The following SHROOM3 variants were observed in gnomAD, a reference collection of about 807,000 sequenced individuals.
SHROOM3 encodes protein Shroom3.
In SHROOM3, 47 loss-of-function variants were observed where a neutral mutation model predicts 138.6. The ratio of observed to expected loss-of-function variants is 0.34; its 90% confidence interval spans 0.27 to 0.43. SHROOM3 has a LOEUF of 0.43. Among genes scored for constraint, SHROOM3 ranks in the 20% least tolerant of loss-of-function variants. The pLI is 1.00. For synonymous variants in SHROOM3, 1,062 were observed against 1,063.3 expected (o/e 1.00, Z 0.02); for missense variants, 2,491 against 2,596.5 (o/e 0.96, Z 0.88).
chr4:76,521,823 A>G (rs1266532863), intron 1 of SHROOM3, among the ~76,000 whole-genome samples: 1 of 152,204 alleles, frequency 6.6e-6, no homozygotes, highest in Non-Finnish European at 1.5e-5. Flanking sequence ...GGGAATACAA[A>G]AAAACATAAT....
intron 1 of SHROOM3, among the ~76,000 whole-genome samples, chr4:76,526,370 G>GAA: frequency 6.6e-6 from 1 of 151,934 alleles, no homozygotes; most frequent in South Asian, 2.1e-4. Flanking sequence ...CATCTCAAAA[G>GAA]AAAAAAATAA....
In SHROOM3 at chr4:76,740,416, C is replaced by G. The variant is rs750545101; in HGVS notation, c.2243C>G (p.Pro748Arg). The stretch of plus-strand genomic sequence containing the variant: ...CCAAGTCCCGAAGAGCCGCCTGCCC[C>G]CTCGCACCCGCACACATCCAGTCTG... ...TDPSPEEPPA[P>R]SHPHTSSLGR... Residue 748 changes from proline to arginine, a missense_variant, in exon 5 of 11, where the codon CCC becomes CGC. Physicochemically the swap from Pro to Arg is moderately radical, Grantham distance 103. Around this residue, in one of 4 missense-constraint regions of SHROOM3, gnomAD observed 1,733 missense variants for 1,661.6 expected, o/e 1.04. Transcript: ENST00000296043. This position sits in a 1 kb window ranked among gnomAD's most constrained non-coding sequence, Gnocchi z 4.0. 6 of 1,613,076 alleles carry G rather than the reference C, an allele frequency of 3.7e-6. No individual in the cohort carries two copies. The East Asian group carries it at 1.3e-4, about 36-fold the overall frequency.
intron 1 of SHROOM3, among the ~76,000 whole-genome samples, chr4:76,450,820 T>C (rs534251371): frequency 6.6e-6 from 1 of 152,212 alleles, no homozygotes; most frequent in Non-Finnish European, 1.5e-5. Flanking sequence ...TCTGTAAATA[T>C]AGTAAAAATC....
chr4:76,719,241 C>T (rs1183412350), intron 3 of SHROOM3, among the ~76,000 whole-genome samples: 1 of 152,228 alleles, frequency 6.6e-6, no homozygotes, highest in Admixed American at 6.5e-5. Flanking sequence ...GAAAATAACA[C>T]ACCACCATGG....
chr4:76,662,771 A>G (rs1316232623), intron 2 of SHROOM3, among the ~76,000 whole-genome samples: 3 of 152,186 alleles, frequency 2.0e-5, no homozygotes, highest in Non-Finnish European at 4.4e-5. Context: ...GGTTCGAGCT[A>G]CTTGAGAGGC....
chr4:76,720,588 G>T (rs978124963), intron 3 of SHROOM3, among the ~76,000 whole-genome samples: 2 of 150,546 alleles, frequency 1.3e-5, no homozygotes, highest in Admixed American at 1.3e-4. Flanking sequence ...TACTAAAGAA[G>T]ATATAATCTC....
intron 1 of SHROOM3, among the ~76,000 whole-genome samples, chr4:76,499,445 G>GTATAAC (rs60117481): frequency 0.59 from 89,814 of 151,440 alleles, 27,217 homozygotes; most frequent in Non-Finnish European, 0.65. Context: ...CAAATACTTA[G>GTATAAC]AATAGGATTT....
Position 76,451,247 on chromosome 4 carries a change from GC to G in SHROOM3, c.168+15029del, listed in dbSNP as rs1327415767. On this transcript the variant is annotated intron_variant, in intron 1 of 10. Transcript: ENST00000296043. Reference sequence around the variant, plus strand: ...TTACAGATGTGAGCCACTGCACTCAGCCAGTATTGATTTAATTAACTGAAAT... The same window carrying G: ...TTACAGATGTGAGCCACTGCACTCAGCAGTATTGATTTAATTAACTGAAAT... 3.9e-5 allele frequency among the ~76,000 whole-genome samples: 6 copies of G among 152,258 alleles called. No individual in the cohort carries two copies. The South Asian group carries it at 1.2e-3, about 32-fold the overall frequency.
At chr4:76,477,961 C>T (rs903908576) in intron 1 of SHROOM3, among the ~76,000 whole-genome samples, 2 of 152,186 alleles carry the variant, frequency 1.3e-5, no homozygotes, top group African/African-American at 4.8e-5. Context: ...TTATGCTTTT[C>T]CCATGGTCTT....
chr4:76,568,929 T>A (rs1164852772), intron 2 of SHROOM3, among the ~76,000 whole-genome samples: 1 of 152,116 alleles, frequency 6.6e-6, no homozygotes, highest in East Asian at 1.9e-4. Context: ...ATCTGGGAAG[T>A]AAAGACAACC....
At chr4:76,453,504 T>C (rs1052114573) in intron 1 of SHROOM3, among the ~76,000 whole-genome samples, 1 of 152,114 alleles carries the variant, frequency 6.6e-6, no homozygotes, top group African/African-American at 2.4e-5. Context: ...GGTCTCGAAC[T>C]CCTGGCTTTA....
intron 2 of SHROOM3, among the ~76,000 whole-genome samples, chr4:76,704,770 G>A (rs991916708): frequency 1.3e-5 from 2 of 152,124 alleles, no homozygotes; most frequent in African/African-American, 2.4e-5. Context: ...AGGCTGCTGG[G>A]TAGACACTGG....
At chr4:76,529,727 C>T (rs977334716) in intron 1 of SHROOM3, among the ~76,000 whole-genome samples, 7 of 113,352 alleles carry the variant, frequency 6.2e-5, no homozygotes, top group Non-Finnish European at 1.3e-4. Flanking sequence ...CTGGACTTTC[C>T]AAGAGCTACC....
At chr4:76,611,671 G>A (rs73828194) in intron 2 of SHROOM3, among the ~76,000 whole-genome samples, 7,297 of 152,234 alleles carry the variant, frequency 0.048, 577 homozygotes, top group African/African-American at 0.16. Context: ...GTGTCCTTGG[G>A]TAATGAAGCT....
chr4:76,759,988 A>C (rs1443473641), intron 9 of SHROOM3, among the ~76,000 whole-genome samples: 1 of 152,232 alleles, frequency 6.6e-6, no homozygotes, highest in East Asian at 1.9e-4. Context: ...CTTGAACCCA[A>C]GTCCCTAGCC....
At chr4:76,769,255 TAC>T (rs34721202) in intron 9 of SHROOM3, among the ~76,000 whole-genome samples, 8,874 of 151,176 alleles carry the variant, frequency 0.059, 290 homozygotes, top group Non-Finnish European at 0.071. Flanking sequence ...TGTGTGTATA[TAC>T]ACACACACCA....
rs1560543988 is a variant in SHROOM3, at chr4:76,554,428, T to G, written c.169-1181T>G. 2.0e-5 allele frequency among the ~76,000 whole-genome samples: 3 copies of G among 149,160 alleles called. No individual in the cohort carries two copies. In the South Asian group the frequency reaches 6.3e-4, roughly 32 times the overall value. ...GTTGTTTTTTGTTTGTGTTTTTTTT[T>G]TTTTTTTTTGAGACGGAGTCTCACT... On this transcript the variant is annotated intron_variant, in intron 1 of 10. Coordinates refer to ENST00000296043, the MANE Select transcript of SHROOM3 (RefSeq NM_020859.4).
intron 1 of SHROOM3, among the ~76,000 whole-genome samples, chr4:76,474,220 T>C (rs1252515456): frequency 1.3e-5 from 2 of 152,186 alleles, no homozygotes; most frequent in Non-Finnish European, 2.9e-5. Flanking sequence ...TTATAAGAAA[T>C]GTTCAGAATA....
chr4:76,565,025 G>T (rs574158397), intron 2 of SHROOM3, among the ~76,000 whole-genome samples: 1 of 152,032 alleles, frequency 6.6e-6, no homozygotes, highest in Non-Finnish European at 1.5e-5. Context: ...GCCGGGTGTG[G>T]TGGTGGGTGC....
Sources: allele counts gnomAD v4.1 joint callset (sites outside exome capture counted in the v4.1 genomes callset), GRCh38; gene constraint gnomAD v4.1.1; regional missense constraint gnomAD v4.1.1; non-coding constraint Gnocchi (gnomAD v3.1); transcripts MANE v1.5; gene names NCBI Gene and HGNC (gene_info 2026-07-23, HGNC 2026-07-21).